The following KIAA1217 variants were observed in gnomAD, a reference collection of about 807,000 sequenced individuals.
The protein encoded by KIAA1217 is sickle tail protein homolog.
Under a neutral mutation model 163.9 loss-of-function variants are expected in KIAA1217, and 88 were observed. The ratio of observed to expected loss-of-function variants is 0.54; its 90% CI spans 0.45 to 0.64. KIAA1217 has a LOEUF of 0.64. Ranked by LOEUF, KIAA1217 falls within the 30% of genes least tolerant of loss-of-function variation. The pLI, the probability that KIAA1217 is intolerant of heterozygous loss-of-function variation, is 0.00. For synonymous variants in KIAA1217, 903 were observed against 923.1 expected (o/e 0.98, Z 0.39); for missense variants, 2,372 against 2,475.0 (o/e 0.96, Z 0.88).
At chr10:24,481,240 T>C (rs2064648074) in intron 6 of KIAA1217, 1 of 152,200 alleles carries the variant, frequency 6.6e-6, no homozygotes, top group South Asian at 2.1e-4. Flanking sequence ...TCATAAAATA[T>C]TAAAAGCTTA....
chr10:24,503,440 G>A (rs964690448), intron 9 of KIAA1217, among the ~76,000 whole-genome samples: 10 of 152,312 alleles, frequency 6.6e-5, no homozygotes, highest in Admixed American at 3.3e-4. Flanking sequence ...TGAAGTGTAC[G>A]GGTTGGGCTG....
chr10:24,245,182 C>T (rs991371886), intron 2 of KIAA1217, among the ~76,000 whole-genome samples: 1 of 152,188 alleles, frequency 6.6e-6, no homozygotes, highest in East Asian at 1.9e-4. Context: ...ACTTTCACTC[C>T]GTTTCACTTG....
rs182036660 is a variant in KIAA1217 at position 23,768,976 on chromosome 10, G to C, written c.-321+73742G>C. On this transcript the variant is annotated intron_variant, in intron 1 of 18. Coordinates refer to the KIAA1217 transcript ENST00000376462. ...GACTGGGAGTCCTGCACTGAACAAT[G>C]GTGTAACTGCCTAACAAGTTCACCT... 1.7e-4 allele frequency among the ~76,000 whole-genome samples: 26 copies of C among 152,268 alleles called. No homozygotes were observed. The East Asian group carries it at 5.0e-3, about 29-fold the overall frequency.
intron 2 of KIAA1217, among the ~76,000 whole-genome samples, chr10:24,362,575 T>C (rs975788329): frequency 1.3e-5 from 2 of 152,238 alleles, no homozygotes; most frequent in South Asian, 2.1e-4. Flanking sequence ...CAATTTGTAA[T>C]ACAAAGAGCT....
chr10:24,230,500 T>A (rs2071231631), intron 2 of KIAA1217, among the ~76,000 whole-genome samples: 4 of 94,170 alleles, frequency 4.2e-5, no homozygotes, highest in Non-Finnish European at 8.2e-5. Flanking sequence ...ACTATTTGTT[T>A]TGTTTTTTTT....
rs552122259 is a variant in KIAA1217 at position 24,257,033 on chromosome 10, C to T, written c.354+37124C>T. On this transcript the variant is annotated intron_variant, in intron 2 of 20. Coordinates refer to ENST00000376454, the MANE Select transcript of KIAA1217 (RefSeq NM_019590.5). ...TTTGGGGACATATAAATGTATGAAA[C>T]AAGATGGTCAGGAAAACAATTTTTT... Among the ~76,000 whole-genome samples, 9 of 152,202 alleles carry T rather than the reference C, an allele frequency of 5.9e-5. No homozygotes were observed. The South Asian group carries it at 1.9e-3, about 32-fold the overall frequency.
chr10:23,724,963 G>C (rs2130772928), intron 1 of KIAA1217, among the ~76,000 whole-genome samples: 1 of 152,190 alleles, frequency 6.6e-6, no homozygotes, highest in Middle Eastern at 3.4e-3. Flanking sequence ...GTCCAAGCCT[G>C]CCAGCTGCTT....
At chr10:24,023,113 A>C (rs1407487206) in intron 2 of KIAA1217, among the ~76,000 whole-genome samples, 6 of 151,718 alleles carry the variant, frequency 4.0e-5, no homozygotes, top group Non-Finnish European at 8.9e-5. Flanking sequence ...ATTAGAAAGA[A>C]ACAAAACTGC....
At chr10:24,266,782 A>G (rs1564371783) in intron 2 of KIAA1217, among the ~76,000 whole-genome samples, 1 of 152,174 alleles carries the variant, frequency 6.6e-6, no homozygotes, top group Non-Finnish European at 1.5e-5. Context: ...GAGGGGACAA[A>G]TAAGGGAATA....
At chr10:23,772,102 A>G (rs1834823346) in intron 1 of KIAA1217, among the ~76,000 whole-genome samples, 1 of 152,220 alleles carries the variant, frequency 6.6e-6, no homozygotes, top group Admixed American at 6.5e-5. Flanking sequence ...GATGTGTGAA[A>G]TTTAAGAAAA....
At chr10:24,342,054 T>A (rs888978614) in intron 2 of KIAA1217, among the ~76,000 whole-genome samples, 1 of 152,254 alleles carries the variant, frequency 6.6e-6, no homozygotes, top group Non-Finnish European at 1.5e-5. Flanking sequence ...GGCATAGCAC[T>A]GTGGCCTTTG....
At chr10:23,721,088 A>G (rs2130763171) in intron 1 of KIAA1217, among the ~76,000 whole-genome samples, 1 of 152,330 alleles carries the variant, frequency 6.6e-6, no homozygotes, top group East Asian at 1.9e-4. Flanking sequence ...AGCCTATTAA[A>G]AAATACATTT....
rs1295388855 is a variant in KIAA1217 at position 23,948,301 on chromosome 10, A to G, written c.-320-58924A>G. Among the ~76,000 whole-genome samples the G allele has an allele frequency of 3.3e-5, 5 of 152,338 alleles. No individual in the cohort carries two copies. In the East Asian group the frequency reaches 9.6e-4, roughly 29 times the overall value. On this transcript the variant is annotated intron_variant, in intron 1 of 18. Coordinates refer to the KIAA1217 transcript ENST00000376462. The stretch of plus-strand genomic sequence containing the variant: ...GGTTGTTGTAATAATGTGTATTCAA[A>G]GCAGTTAGAGCAGTACCTGACAAAT...
chr10:24,222,731 A>G (rs553380994), intron 2 of KIAA1217, among the ~76,000 whole-genome samples: 1 of 152,236 alleles, frequency 6.6e-6, no homozygotes, highest in South Asian at 2.1e-4. Context: ...GCTGGTCTCG[A>G]ACTCCTGACC....
chr10:24,135,966 T>G (rs2063817871), intron 2 of KIAA1217, among the ~76,000 whole-genome samples: 1 of 152,202 alleles, frequency 6.6e-6, no homozygotes, highest in African/African-American at 2.4e-5. Context: ...TTTCTCCAGC[T>G]TCTTCTTCAA....
At chr10:24,089,105 G>A (rs571801030) in intron 2 of KIAA1217, among the ~76,000 whole-genome samples, 1 of 125,502 alleles carries the variant, frequency 8.0e-6, no homozygotes, top group African/African-American at 2.5e-5. Context: ...TTTGAGAAGT[G>A]TCTGTTCATA....
chr10:23,824,002 T>C (rs1477094883), intron 1 of KIAA1217, among the ~76,000 whole-genome samples: 3 of 152,116 alleles, frequency 2.0e-5, no homozygotes, highest in Non-Finnish European at 2.9e-5. Flanking sequence ...CCGGGCATGG[T>C]GGCTCACACC....
intron 2 of KIAA1217, among the ~76,000 whole-genome samples, chr10:24,028,015 G>A (rs928815810): frequency 1.3e-5 from 2 of 152,068 alleles, no homozygotes; most frequent in African/African-American, 2.4e-5. Context: ...GAATACATGA[G>A]TTAACATGTG....
At chr10:24,145,761 C>T (rs1029785182) in intron 2 of KIAA1217, among the ~76,000 whole-genome samples, 2 of 152,206 alleles carry the variant, frequency 1.3e-5, no homozygotes, top group African/African-American at 4.8e-5. Context: ...TCCAAGAGTC[C>T]AAAAGCTGAA....
Sources: allele counts gnomAD v4.1 joint callset (sites outside exome capture counted in the v4.1 genomes callset), GRCh38; gene constraint gnomAD v4.1.1; transcripts MANE v1.5; gene names NCBI Gene and HGNC (gene_info 2026-07-23, HGNC 2026-07-21).